The following VBP1 variants were observed in gnomAD, a reference collection of about 807,000 sequenced individuals.
The protein encoded by VBP1 is prefoldin subunit 3.
VBP1 carries 4 observed loss-of-function variants against 15.5 expected under a neutral mutation model. That is an observed-to-expected ratio of 0.26 (90% CI 0.13 to 0.59). VBP1 has a LOEUF of 0.59. Ranked by LOEUF, VBP1 falls within the 20% of genes least tolerant of loss-of-function variation. VBP1 has a pLI of 0.90. For missense variants in VBP1, 108 were observed against 139.6 expected (o/e 0.77, Z 1.14); for synonymous variants, 61 against 52.1 (o/e 1.17, Z -0.74).
chrX:155,205,658 G>A (rs1557307984), intron 1 of VBP1, among the ~76,000 whole-genome samples: 1 of 111,385 alleles, frequency 9.0e-6, no homozygotes, highest in African/African-American at 3.3e-5. Flanking sequence ...TACAGTTTAA[G>A]TCAAATCAAG....
At chrX:155,203,438 T>G (rs782224166) in intron 1 of VBP1, among the ~76,000 whole-genome samples, 70 of 110,144 alleles carry the variant, frequency 6.4e-4, no homozygotes, top group Admixed American at 5.6e-3. Context: ...CCATAAAAAA[T>G]GATGAGTTCA....
At chrX:155,237,936 G>A (rs782685588) in intron 5 of VBP1, among the ~76,000 whole-genome samples, 19 of 111,784 alleles carry the variant, frequency 1.7e-4, no homozygotes, top group Non-Finnish European at 3.4e-4. Context: ...AGGCAGGCCT[G>A]TTGGGGCCTA....
At chrX:155,232,457 T>C (rs2074751960) in intron 4 of VBP1, among the ~76,000 whole-genome samples, 1 of 112,084 alleles carries the variant, frequency 8.9e-6, no homozygotes, top group Admixed American at 9.5e-5. Flanking sequence ...AATATTTATA[T>C]ACTTAAATTT....
chrX:155,236,482 T>C, intron 5 of VBP1, 115 bp downstream of exon 5: 1 of 870,032 alleles, frequency 1.1e-6, no homozygotes, highest in Non-Finnish European at 1.6e-6. Flanking sequence ...CATGCTGGGC[T>C]TAATACCTAG....
upstream of VBP1, among the ~76,000 whole-genome samples, chrX:155,214,696 A>T (rs73641120): frequency 7.5e-3 from 821 of 109,632 alleles, 6 homozygotes; most frequent in African/African-American, 0.026. Context: ...GTTGCTAAAG[A>T]CCAATCATAT....
chrX:155,207,044 TACCA>T (rs2074628729), intron 1 of VBP1, among the ~76,000 whole-genome samples: 1 of 111,492 alleles, frequency 9.0e-6, no homozygotes, highest in African/African-American at 3.3e-5. Flanking sequence ...AGGGTCCAAG[TACCA>T]AAGGAGTGTG....
At chrX:155,198,507 G>C (rs782061262) in intron 1 of VBP1, among the ~76,000 whole-genome samples, 1 of 111,855 alleles carries the variant, frequency 8.9e-6, no homozygotes, top group African/African-American at 3.2e-5. Context: ...AGGGTCTGGA[G>C]TGGACCTCTA....
chrX:155,223,345 G>GCCTT, intron 2 of VBP1, among the ~76,000 whole-genome samples: 1 of 108,064 alleles, frequency 9.3e-6, no homozygotes, highest in South Asian at 4.2e-4. Context: ...GGGCCCTGCC[G>GCCTT]CCTTCCGCAG....
In VBP1 at chrX:155,228,493, G is replaced by A; in HGVS notation, c.384+11G>A. ...TGTCTGTGGTTGGGGGTAAGTAAAT[G>A]TTATAGCCACAGCTGATATATTTGT... On this transcript the variant is annotated intron_variant, in intron 4 of 5. Transcript: ENST00000286428. 2 of 1,157,510 alleles carry A rather than the reference G, an allele frequency of 1.7e-6. No individual in the cohort carries two copies. The highest frequency in any genetic ancestry group is 1.9e-5 in the South Asian group (1 of 53,833).
At chrX:155,212,091 C>T (rs1412013356), upstream of VBP1, among the ~76,000 whole-genome samples, 3 of 111,849 alleles carry the variant, frequency 2.7e-5, no homozygotes, top group East Asian at 8.4e-4. Flanking sequence ...AAGTAACTAA[C>T]CTAATATCCC....
chrX:155,213,396 G>T (rs1557308693), upstream of VBP1: 1 of 111,987 alleles, frequency 8.9e-6, no homozygotes, highest in African/African-American at 3.3e-5. Flanking sequence ...GGCTTGTGGA[G>T]ATTGGGACAG....
intron 4 of VBP1, among the ~76,000 whole-genome samples, chrX:155,234,338 C>T (rs2074761654): frequency 1.8e-5 from 2 of 109,349 alleles, no homozygotes; most frequent in South Asian, 8.0e-4. Context: ...CTAGGCTGGC[C>T]TTGAACTCCT....
intron 1 of VBP1, among the ~76,000 whole-genome samples, chrX:155,198,460 G>A (rs1031119545): frequency 4.5e-5 from 5 of 111,790 alleles, no homozygotes; most frequent in Non-Finnish European, 9.4e-5. Flanking sequence ...ATGAAAATCC[G>A]CTGTTCTGCA....
chrX:155,202,501 G>A (rs12394018), intron 1 of VBP1, among the ~76,000 whole-genome samples: 32,472 of 109,257 alleles, frequency 0.3, 4,132 homozygotes, highest in African/African-American at 0.44. Context: ...AAAACAAGCA[G>A]TGGGGAAAGG....
chrX:155,216,352 T>C, upstream of VBP1: 1 of 1,107,756 alleles, frequency 9.0e-7, no homozygotes. Flanking sequence ...CGGGGACTTG[T>C]GGGGGACGCT....
chrX:155,227,358 GTCT>G, intron 3 of VBP1, 57 bp downstream of exon 3: 1 of 907,185 alleles, frequency 1.1e-6, no homozygotes, highest in Non-Finnish European at 1.5e-6. Context: ...GCAGAAACTC[GTCT>G]TCTTTGACTC....
rs193271546 is a variant in VBP1, at chrX:155,209,069, A to T, written c.78+88A>T. Reference sequence around the variant, plus strand: ...CAGTGTTATAATGGAGTTTTGCAACATAGCCATCTTTTGTATACTGTTGGT... The same window carrying T: ...CAGTGTTATAATGGAGTTTTGCAACTTAGCCATCTTTTGTATACTGTTGGT... On this transcript the variant is annotated intron_variant, in intron 2 of 6. Coordinates refer to the VBP1 transcript ENST00000535916. The T allele has an allele frequency of 4.3e-5, 37 of 850,587 alleles. No homozygotes were observed. The Admixed American group carries it at 9.0e-4, about 21-fold the overall frequency. 70.1% of individuals were successfully genotyped at this position (850,587 alleles called of 1,213,427 possible).
At chrX:155,216,429 C>T, upstream of VBP1, 1 of 1,154,635 alleles carries the variant, frequency 8.7e-7, no homozygotes, top group Non-Finnish European at 1.2e-6. Context: ...AAGCCAATCA[C>T]GGAATCCCGG....
chrX:155,228,469 G>T lies in VBP1; in HGVS notation c.371G>T (p.Cys124Phe). ...KASVPPTDKVCLWLGANVMLE... is the reference protein window; with the variant it reads ...KASVPPTDKVFLWLGANVMLE... ...TCAGTTCCTCCTACCGATAAAGTGTGTCTGTGGTTGGGGGTAAGTAAATGT... is the reference window on the plus strand; with the variant it reads ...TCAGTTCCTCCTACCGATAAAGTGTTTCTGTGGTTGGGGGTAAGTAAATGT... The change falls in exon 4 of 6, where the codon TGT becomes TTT. Residue 124 changes from cysteine (C) to phenylalanine (F), a missense_variant. Transcript: ENST00000286428. 1.7e-6 allele frequency: 2 copies of T among 1,202,967 alleles called. No homozygotes were observed. The highest frequency in any genetic ancestry group is 1.8e-5 in the South Asian group (1 of 56,040).
Sources: gnomAD v4.1 joint callset for allele counts (sites outside exome capture counted in the v4.1 genomes callset) on GRCh38, gnomAD v4.1.1 for gene constraint, MANE v1.5 for transcripts, NCBI Gene and HGNC (gene_info 2026-07-23, HGNC 2026-07-21) for gene names.